CTIF: variants seen among roughly 807,000 people sequenced by gnomAD.
CTIF encodes the protein CBP80/20-dependent translation initiation factor.
CTIF carries 21 observed loss-of-function variants against 66.0 expected under a neutral mutation model. The ratio of observed to expected loss-of-function variants is 0.32; its 90% CI spans 0.23 to 0.46. The LOEUF is 0.46. Among genes scored for constraint, CTIF ranks in the 20% least tolerant of loss-of-function variants. The pLI is 1.00. For synonymous variants in CTIF, 345 were observed against 326.4 expected, an observed-to-expected ratio of 1.06 and a Z score of -0.62; for missense variants, 739 against 812.7, an observed-to-expected ratio of 0.91 and a Z score of 1.10.
rs2069429810 is a variant in CTIF, at chr18:48,860,090, A to G, written c.*531A>G. 2.6e-6 allele frequency: 1 copy of G among 382,592 alleles called. No homozygotes were observed. Among genetic ancestry groups the G allele is most frequent in the South Asian group, 1.9e-5 (1 of 53,462 alleles). The allele number at this position is 382,592 out of a possible 1,614,324, so 23.7% of individuals were successfully genotyped here. A position where few individuals can be genotyped will look rare whatever the true frequency, so the allele number is the denominator to read the frequency against. ...GAGGACAAAGGCAGGCACGGTCCCCACCAGCCGCCCGTAATTGACGGCCTT... is the reference window on the plus strand; with the variant it reads ...GAGGACAAAGGCAGGCACGGTCCCCGCCAGCCGCCCGTAATTGACGGCCTT... On this transcript the variant is annotated 3_prime_UTR_variant, in exon 12 of 12. Coordinates refer to ENST00000256413, the MANE Select transcript of CTIF (RefSeq NM_014772.3).
intron 1 of CTIF, among the ~76,000 whole-genome samples, chr18:48,611,307 C>G (rs1028588070): frequency 4.6e-5 from 7 of 152,200 alleles, no homozygotes; most frequent in African/African-American, 1.7e-4. Context: ...TGCGCCTGGC[C>G]CTGAGAGTCC....
chr18:48,817,445 A>ACCGGGACAAAG, intron 10 of CTIF, 69 bp downstream of exon 10: 1 of 1,532,060 alleles, frequency 6.5e-7, no homozygotes, highest in Non-Finnish European at 8.8e-7. Flanking sequence ...GTCTCAGATA[A>ACCGGGACAAAG]CTGGGACAAA....
At chr18:48,678,649 C>G (rs115998733) in intron 6 of CTIF, among the ~76,000 whole-genome samples, 2,129 of 148,924 alleles carry the variant, frequency 0.014, 57 homozygotes, top group African/African-American at 0.051. Flanking sequence ...TTGTTGGTGA[C>G]AACTGGGAAA....
intron 1 of CTIF, among the ~76,000 whole-genome samples, chr18:48,590,039 T>C (rs183691590): frequency 2.0e-5 from 3 of 151,952 alleles, no homozygotes; most frequent in Admixed American, 6.5e-5. Flanking sequence ...GCTCTGGAAG[T>C]TCATTGTTGC....
In CTIF at chr18:48,669,793, T is replaced by TTATATA. The variant is rs57715945; in HGVS notation, c.432-833_432-828dup. On this transcript the variant is annotated intron_variant, in intron 5 of 11. Transcript: ENST00000256413. ...ATTTATAAACAAACAAGCTAAACAT[T>TTATATA]TATATATATATATATATATATATAT... Among the ~76,000 whole-genome samples the TTATATA allele has an allele frequency of 2.9e-3, 137 of 47,176 alleles. 1 individual carries two copies. The highest frequency in any genetic ancestry group is 0.015 in the Middle Eastern group (1 of 68). The allele number at this position is 47,176 out of a possible 152,430, so 30.9% of individuals were successfully genotyped here. A position where few individuals can be genotyped will look rare whatever the true frequency, so the allele number is the denominator to read the frequency against.
intron 1 of CTIF, among the ~76,000 whole-genome samples, chr18:48,548,512 T>C (rs2088808409): frequency 1.3e-5 from 2 of 152,252 alleles, no homozygotes; most frequent in African/African-American, 4.8e-5. Flanking sequence ...ATCTCCTTGA[T>C]GCTTGGCATC....
intron 7 of CTIF, among the ~76,000 whole-genome samples, chr18:48,729,744 G>A (rs1002792889): frequency 6.6e-6 from 1 of 152,214 alleles, no homozygotes; most frequent in Admixed American, 6.5e-5. Flanking sequence ...TTCCTGTCTG[G>A]GGAGGGTGGT....
intron 6 of CTIF, among the ~76,000 whole-genome samples, chr18:48,708,251 TG>T (rs2092183701): frequency 1.3e-4 from 20 of 152,246 alleles, no homozygotes; most frequent in Admixed American, 1.1e-3. Flanking sequence ...GCACATCTGG[TG>T]ACAGGTTTGT....
At chr18:48,646,061 C>T (rs970205059) in intron 3 of CTIF, among the ~76,000 whole-genome samples, 2 of 152,242 alleles carry the variant, frequency 1.3e-5, no homozygotes, top group Middle Eastern at 6.8e-3. Context: ...CACTGAGATG[C>T]TAAATTGGAC....
At chr18:48,601,986 T>A (rs1313689831) in intron 1 of CTIF, among the ~76,000 whole-genome samples, 2 of 152,224 alleles carry the variant, frequency 1.3e-5, no homozygotes, top group Non-Finnish European at 2.9e-5. Flanking sequence ...AGGAGGCATG[T>A]TCATTTCACA....
intron 6 of CTIF, among the ~76,000 whole-genome samples, chr18:48,676,043 C>G (rs1012573413): frequency 6.6e-6 from 1 of 152,178 alleles, no homozygotes; most frequent in Admixed American, 6.5e-5. Context: ...CCCCAGGACC[C>G]CTTTACTCTG....
At chr18:48,700,706 G>A (rs1486032728) in intron 6 of CTIF, among the ~76,000 whole-genome samples, 3 of 152,176 alleles carry the variant, frequency 2.0e-5, no homozygotes, top group South Asian at 4.1e-4. Context: ...TGTTCACTTC[G>A]AAGGGTGACC....
At chr18:48,804,405 AG>A (rs2146243846) in intron 9 of CTIF, among the ~76,000 whole-genome samples, 2 of 152,316 alleles carry the variant, frequency 1.3e-5, no homozygotes, top group Admixed American at 1.3e-4. Context: ...GCCAGGCCTC[AG>A]GGCTCAGCAG....
chr18:48,856,901 G>A (rs1461100194), intron 10 of CTIF, among the ~76,000 whole-genome samples: 1 of 152,246 alleles, frequency 6.6e-6, no homozygotes, highest in Non-Finnish European at 1.5e-5. Context: ...TGGATTTTGT[G>A]TTATGTGAAT....
At chr18:48,755,190 C>T (rs1445071465) in intron 7 of CTIF, among the ~76,000 whole-genome samples, 2 of 152,176 alleles carry the variant, frequency 1.3e-5, no homozygotes, top group Admixed American at 6.5e-5. Context: ...AGGGAATTTC[C>T]AAGGTTCCTC....
intron 9 of CTIF, among the ~76,000 whole-genome samples, chr18:48,772,582 G>A (rs2145976893): frequency 6.9e-6 from 1 of 145,400 alleles, no homozygotes; most frequent in East Asian, 1.9e-4. Context: ...GCACACATGG[G>A]ATATCATACA....
intron 9 of CTIF, among the ~76,000 whole-genome samples, chr18:48,800,846 C>G (rs1484146347): frequency 6.6e-6 from 1 of 152,248 alleles, no homozygotes; most frequent in African/African-American, 2.4e-5. Flanking sequence ...TCTTGACACA[C>G]TAGTGATTTT....
rs144044048 is a variant in CTIF at position 48,664,837 on chromosome 18, G to A, written c.431+286G>A. Among the ~76,000 whole-genome samples the A allele has an allele frequency of 4.3e-4, 65 of 152,254 alleles. No individual in the cohort carries two copies. In the East Asian group the frequency reaches 9.3e-3, roughly 22 times the overall value. On this transcript the variant is annotated intron_variant, in intron 5 of 11. Coordinates refer to ENST00000256413, the MANE Select transcript of CTIF (RefSeq NM_014772.3). ...GCCAGCGCAGCAGAATCACCTGGGC[G>A]GTGGCACAGAGGACAGGCCCACCCC...
intron 7 of CTIF, among the ~76,000 whole-genome samples, chr18:48,721,554 G>A (rs923696502): frequency 6.6e-6 from 1 of 152,204 alleles, no homozygotes; most frequent in East Asian, 1.9e-4. Flanking sequence ...GGCCCAGGGC[G>A]AGGCTCACTG....
Sources: gnomAD v4.1 joint callset for allele counts (sites outside exome capture counted in the v4.1 genomes callset) on GRCh38, gnomAD v4.1.1 for gene constraint, MANE v1.5 for transcripts, NCBI Gene and HGNC (gene_info 2026-07-23, HGNC 2026-07-21) for gene names.